The following ANK3 variants were observed in gnomAD, a reference collection of about 807,000 sequenced individuals.
ANK3 encodes the protein ankyrin-3.
ANK3 carries 57 observed loss-of-function variants against 370.9 expected under a neutral mutation model. The observed-to-expected ratio is 0.15, with a 90% CI of 0.12 to 0.19. The LOEUF (loss-of-function observed/expected upper bound fraction) is 0.19, where lower values mean the gene tolerates loss of function less well. Among genes scored for constraint, ANK3 ranks in the 10% least tolerant of loss-of-function variants. The pLI, the probability that ANK3 is intolerant of heterozygous loss-of-function variation, is 1.00. For synonymous variants in ANK3, 1,929 were observed against 1,946.3 expected, an observed-to-expected ratio of 0.99 and a Z score of 0.23; for missense variants, 4,439 against 5,302.1, an observed-to-expected ratio of 0.84 and a Z score of 5.06.
At chr10:60,346,396 C>G (rs551926082) in intron 1 of ANK3, among the ~76,000 whole-genome samples, 4 of 152,064 alleles carry the variant, frequency 2.6e-5, no homozygotes, top group East Asian at 1.9e-4. Flanking sequence ...TTAAGGAAAC[C>G]CTTCAATCAA....
At chr10:60,498,571 C>T (rs1005006910) in intron 2 of ANK3, among the ~76,000 whole-genome samples, 2 of 151,968 alleles carry the variant, frequency 1.3e-5, no homozygotes, top group Non-Finnish European at 2.9e-5. Flanking sequence ...TCTTATTTCT[C>T]GTAGCGACAC....
intron 2 of ANK3, among the ~76,000 whole-genome samples, chr10:60,613,150 C>A (rs1480306224): frequency 2.0e-5 from 3 of 151,982 alleles, no homozygotes; most frequent in Non-Finnish European, 4.4e-5. Flanking sequence ...ATTCATGTTC[C>A]ATTCATTCTA....
chr10:60,153,585 A>AC (rs2095232630), intron 23 of ANK3, among the ~76,000 whole-genome samples: 1 of 152,152 alleles, frequency 6.6e-6, no homozygotes, highest in Non-Finnish European at 1.5e-5. Context: ...TCTTAAGGTG[A>AC]CTTAAGATAT....
intron 28 of ANK3, among the ~76,000 whole-genome samples, chr10:60,089,688 A>G (rs2087717450): frequency 6.6e-6 from 1 of 152,164 alleles, no homozygotes; most frequent in Non-Finnish European, 1.5e-5. Flanking sequence ...GAAGTACAAT[A>G]ATTAAACAGT....
At chr10:60,456,299 A>C (rs149489860) in intron 2 of ANK3, among the ~76,000 whole-genome samples, 31 of 152,298 alleles carry the variant, frequency 2.0e-4, no homozygotes, top group African/African-American at 7.2e-4. Flanking sequence ...AGATTGAGTC[A>C]CTCACTTTCT....
chr10:60,570,686 G>A (rs374348173), intron 2 of ANK3, among the ~76,000 whole-genome samples: 1 of 152,138 alleles, frequency 6.6e-6, no homozygotes, highest in African/African-American at 2.4e-5. Context: ...TAGACAGAGG[G>A]TGATGATCAA....
chr10:60,192,187 C>T (rs542315759), intron 16 of ANK3, among the ~76,000 whole-genome samples: 15 of 152,080 alleles, frequency 9.9e-5, no homozygotes, highest in African/African-American at 2.4e-4. Flanking sequence ...CCACCGCACC[C>T]GGCCTATTTT....
chr10:60,125,011 C>T (rs1431740320), intron 25 of ANK3, among the ~76,000 whole-genome samples: 7 of 152,010 alleles, frequency 4.6e-5, no homozygotes, highest in East Asian at 1.9e-4. Flanking sequence ...TGGCAAACCG[C>T]GACCCAAATA....
chr10:60,660,337 GTC>G (rs1187323857), intron 1 of ANK3, among the ~76,000 whole-genome samples: 3 of 152,166 alleles, frequency 2.0e-5, no homozygotes, highest in Non-Finnish European at 4.4e-5. Flanking sequence ...GATGCAGAGA[GTC>G]TTCAAATAGC....
chr10:60,230,490 A>T (rs1161648990), intron 8 of ANK3, among the ~76,000 whole-genome samples: 1 of 152,254 alleles, frequency 6.6e-6, no homozygotes, highest in Non-Finnish European at 1.5e-5. Flanking sequence ...TTCTCTATAT[A>T]CTTACTATCA....
chr10:60,511,788 C>CT (rs2076087873), intron 2 of ANK3, among the ~76,000 whole-genome samples: 13 of 140,596 alleles, frequency 9.2e-5, no homozygotes, highest in Non-Finnish European at 1.9e-4. Flanking sequence ...TGGGGAAAGG[C>CT]ATTTTTTTTT....
chr10:60,059,599 T>C, intron 40 of ANK3, 169 bp from the exon 41 acceptor site: 6 of 1,392,256 alleles, frequency 4.3e-6, no homozygotes, highest in Non-Finnish European at 5.9e-6. Flanking sequence ...GATTTTCCTT[T>C]CTCCTGCTGC....
chr10:60,557,289 G>A (rs2077230101), intron 2 of ANK3, among the ~76,000 whole-genome samples: 1 of 152,064 alleles, frequency 6.6e-6, no homozygotes, highest in Non-Finnish European at 1.5e-5. Context: ...CCATACAATG[G>A]AATATTATTC....
chr10:60,669,021 A>T (rs1431921738), intron 1 of ANK3, among the ~76,000 whole-genome samples: 3 of 151,998 alleles, frequency 2.0e-5, no homozygotes, highest in Non-Finnish European at 4.4e-5. Flanking sequence ...CAAACACAAG[A>T]ATTGACACTG....
Position 60,069,226 on chromosome 10 carries a change from T to C in ANK3, c.11655A>G (p.Lys3885=). The C allele has an allele frequency of 6.2e-7, 1 of 1,614,206 alleles. No homozygotes were observed. The highest frequency in any genetic ancestry group is 8.5e-7 in the Non-Finnish European group (1 of 1,180,018). Residue 3885 remains lysine (K), a synonymous_variant, in exon 37 of 44, where the codon AAA becomes AAG. Coordinates refer to ENST00000280772, the MANE Select transcript of ANK3 (RefSeq NM_020987.5). ...TFPPNHMSNT[K]ASKMKQVSQS... is the part of the protein sequence containing the mutation. Reference sequence around the variant, plus strand: ...GACTAACCTGCTTCATTTTACTTGCTTTAGTGTTTGACATATGGTTCGGTG... The same window carrying C: ...GACTAACCTGCTTCATTTTACTTGCCTTAGTGTTTGACATATGGTTCGGTG...
chr10:60,260,450 T>C (rs1407103575), intron 7 of ANK3, among the ~76,000 whole-genome samples: 2 of 152,208 alleles, frequency 1.3e-5, no homozygotes, highest in Non-Finnish European at 2.9e-5. Context: ...TCTAGTTTCA[T>C]TTCTCTTCTA....
In ANK3 at chr10:60,203,199, G is replaced by C. The variant is rs2096711946; in HGVS notation, c.1294-99C>G. On this transcript the variant is annotated intron_variant, in intron 11 of 43. Transcript: ENST00000280772. ...GTCATCCATCCACCCATCTAAATCA[G>C]TTTAATGATCGGATTAGAAGACATC... 6.8e-6 allele frequency: 5 copies of C among 731,504 alleles called. No individual in the cohort carries two copies. The South Asian group carries it at 7.2e-5, about 11-fold the overall frequency. The allele number at this position is 731,504 out of a possible 1,614,324, so 45.3% of individuals were successfully genotyped here. A position where few individuals can be genotyped will look rare whatever the true frequency, so the allele number is the denominator to read the frequency against.
At chr10:60,450,248 T>G (rs1390256255) in intron 2 of ANK3, among the ~76,000 whole-genome samples, 2 of 152,084 alleles carry the variant, frequency 1.3e-5, no homozygotes, top group Non-Finnish European at 2.9e-5. Flanking sequence ...GAGTTGGGAT[T>G]ACACCACCGC....
intron 8 of ANK3, among the ~76,000 whole-genome samples, chr10:60,233,806 C>G (rs113517247): frequency 0.016 from 2,483 of 152,286 alleles, 78 homozygotes; most frequent in African/African-American, 0.056. Context: ...TAAGCAGACA[C>G]TTCAATAATG....
Sources: allele counts gnomAD v4.1 joint callset (sites outside exome capture counted in the v4.1 genomes callset), GRCh38; gene constraint gnomAD v4.1.1; transcripts MANE v1.5; gene names NCBI Gene and HGNC (gene_info 2026-07-23, HGNC 2026-07-21).